The following CAPRIN2 variants were observed in gnomAD, a reference collection of about 807,000 sequenced individuals.
CAPRIN2 encodes the protein caprin family member 2.
Under a neutral mutation model 130.4 loss-of-function variants are expected in CAPRIN2, and 66 were observed. The ratio of observed to expected loss-of-function variants is 0.51; its 90% CI spans 0.42 to 0.62. The LOEUF (loss-of-function observed/expected upper bound fraction) is 0.62. Ranked by LOEUF, CAPRIN2 falls within the 20% of genes least tolerant of loss-of-function variation. The pLI, the probability that CAPRIN2 is intolerant of heterozygous loss-of-function variation, is 0.00. For synonymous variants in CAPRIN2, 471 were observed against 444.1 expected (o/e 1.06, Z -0.76); for missense variants, 1,185 against 1,246.6 (o/e 0.95, Z 0.74).
rs764643989 is a variant in CAPRIN2, at chr12:30,711,713, T to A, written c.2602-84A>T. ...TTACACAGGACTACCGGCTGGCAAATAAGATTAGTCCCCTTAGTTCTTTAC... is the reference window on the plus strand; with the variant it reads ...TTACACAGGACTACCGGCTGGCAAAAAAGATTAGTCCCCTTAGTTCTTTAC... On this transcript the variant is annotated intron_variant, in intron 15 of 16. Transcript: ENST00000298892. 5.5e-6 allele frequency: 6 copies of A among 1,094,560 alleles called. No homozygotes were observed. The African/African-American group carries it at 9.3e-5, about 17-fold the overall frequency. 67.8% of individuals were successfully genotyped at this position (1,094,560 alleles called of 1,614,324 possible).
In CAPRIN2 at chr12:30,713,918, G is replaced by C. The variant is rs111986214; in HGVS notation, c.2501-33C>G. On this transcript the variant is annotated intron_variant, in intron 14 of 16. Transcript: ENST00000298892. ...ATAAACAAACTTACATAAGATTATG[G>C]ACAAAATCATATTAAACTTTTAAAC... is the stretch of plus-strand genomic sequence containing the variant. The C allele has an allele frequency of 2.1e-3, 2,602 of 1,247,680 alleles. 33 individuals carry two copies. In the African/African-American group the frequency reaches 0.033, roughly 16 times the overall value. The allele number at this position is 1,247,680 out of a possible 1,614,324, so 77.3% of individuals were successfully genotyped here. A position where few individuals can be genotyped will look rare whatever the true frequency, so the allele number is the denominator to read the frequency against.
At chr12:30,739,168 G>A (rs757943148) in intron 3 of CAPRIN2, among the ~76,000 whole-genome samples, 3 of 152,156 alleles carry the variant, frequency 2.0e-5, no homozygotes, top group Non-Finnish European at 4.4e-5. Context: ...GCCCATCAAT[G>A]ATAGACCAGA....
At chr12:30,713,848 A>G in exon 15 of CAPRIN2, 1 of 1,610,738 alleles carries the variant, frequency 6.2e-7, no homozygotes, top group Non-Finnish European at 8.5e-7. Context: ...TATAATTTCC[A>G]TTGGAAATTG....
rs200711684 is a variant in CAPRIN2, at chr12:30,710,836, TAGA to T, written c.2666-369_2666-367del. On this transcript the variant is annotated intron_variant, in intron 16 of 16. Coordinates refer to ENST00000298892, the Ensembl canonical transcript of CAPRIN2. The surrounding 1 kb of genome is among the most constrained non-coding windows in gnomAD (Gnocchi z 4.8). Reference sequence around the variant, plus strand: ...AGGTCATTCTACAAAGCACCTAATGTAGAAGGTCTCAAGAAAATGGAGACTACA... The same window carrying T: ...AGGTCATTCTACAAAGCACCTAATGTAGGTCTCAAGAAAATGGAGACTACA... Among the ~76,000 whole-genome samples, 104 of 152,330 alleles carry T rather than the reference TAGA, an allele frequency of 6.8e-4. 1 individual carries two copies. The East Asian group carries it at 0.017, about 25-fold the overall frequency.
At position 30,728,858 on chromosome 12, in the gene CAPRIN2, G is replaced by T. The variant is rs775945745; in HGVS notation, c.1572C>A (p.Asn524Lys). The T allele has an allele frequency of 1.9e-6, 3 of 1,614,102 alleles. 1 individual carries two copies. In the South Asian group the frequency reaches 3.3e-5, roughly 18 times the overall value. Residue 524 changes from asparagine (N) to lysine (K), a missense_variant, in exon 8 of 17, where the codon AAC (asparagine) becomes AAA (lysine). Asn to Lys is a moderately conservative substitution (Grantham distance 94, BLOSUM62 0). Around this residue, in one of 2 missense-constraint regions of CAPRIN2, gnomAD observed 1,104 missense variants for 1,104.3 expected, o/e 1.00. Transcript: ENST00000298892. ...TGGGAGTGGTCCATGACTTGGTGGT[G>T]TTCTGTTCGCTCTGCATGGAAGGTG...
At chr12:30,752,922 G>A (rs1173392496) in intron 1 of CAPRIN2, among the ~76,000 whole-genome samples, 4 of 152,048 alleles carry the variant, frequency 2.6e-5, no homozygotes, top group African/African-American at 7.3e-5. Flanking sequence ...AAAAGTAAGT[G>A]GTAAAACATT....
rs1195236930 is a variant in CAPRIN2, at chr12:30,710,631, G to T, written c.2666-161C>A. The T allele has an allele frequency of 9.8e-6, 11 of 1,127,816 alleles. No homozygotes were observed. Among genetic ancestry groups the T allele is most frequent in the African/African-American group, 9.4e-5 (6 of 63,646 alleles). The allele number at this position is 1,127,816 out of a possible 1,614,324, so 69.9% of individuals were successfully genotyped here. On this transcript the variant is annotated intron_variant, in intron 16 of 16. Coordinates refer to ENST00000298892, the Ensembl canonical transcript of CAPRIN2. This position sits in a 1 kb window ranked among gnomAD's most constrained non-coding sequence, Gnocchi z 4.8. ...GATTATACTTTTCTAGATTTTTCTG[G>T]TAATAGGTTTTTACATACTCTTCTA...
exon 1 of CAPRIN2, chr12:30,754,343 C>T (rs1487819319): frequency 6.5e-6 from 1 of 153,272 alleles, no homozygotes; most frequent in Non-Finnish European, 1.4e-5. Flanking sequence ...ACGTATCCGT[C>T]TCTCGACCTC....
chr12:30,728,540 G>T, intron 8 of CAPRIN2, 108 bp downstream of exon 9: 1 of 854,968 alleles, frequency 1.2e-6, no homozygotes, highest in Non-Finnish European at 1.7e-6. Context: ...GGGTAACAGA[G>T]TGTTTCTCCA....
In CAPRIN2 at chr12:30,753,682, A is replaced by G. The variant is rs781244322; in HGVS notation, c.82T>C (p.Ser28Pro). The G allele has an allele frequency of 8.1e-6, 13 of 1,614,190 alleles. No individual in the cohort carries two copies. In the South Asian group the frequency reaches 8.8e-5, roughly 11 times the overall value. The change falls in exon 1 of 17, where the codon TCC becomes CCC. Residue 28 changes from serine to proline, a missense_variant. Ser to Pro is a moderately conservative substitution (Grantham distance 74). Around this residue, in one of 2 missense-constraint regions of CAPRIN2, gnomAD observed 1,104 missense variants for 1,104.3 expected, o/e 1.00. Coordinates refer to ENST00000298892, the Ensembl canonical transcript of CAPRIN2. ...CACAGCCAGGCAATAACTTCCCTGG[A>G]AAGTCTAGACCACTCCCTTAAACTC...
chr12:30,751,792 ATCAT>A (rs954454025), intron 1 of CAPRIN2: 1 of 21,010 alleles, frequency 4.8e-5, no homozygotes, highest in African/African-American at 7.6e-4. Context: ...TTCTATCATT[ATCAT>A]AGAGTAGGCT....
At chr12:30,723,387 A>G in intron 10 of CAPRIN2, 73 bp from the exon 12 acceptor site, 2 of 1,029,386 alleles carry the variant, frequency 1.9e-6, no homozygotes, top group Non-Finnish European at 3.0e-6. Flanking sequence ...GGAGGAAACT[A>G]AAGTTTACAC....
intron 12 of CAPRIN2, among the ~76,000 whole-genome samples, chr12:30,717,754 A>G (rs2058110058): frequency 6.6e-6 from 1 of 152,126 alleles, no homozygotes; most frequent in Non-Finnish European, 1.5e-5. Context: ...GATGAATGAA[A>G]TATTTTACCA....
chr12:30,739,745 T>A (rs1365419866), intron 3 of CAPRIN2, among the ~76,000 whole-genome samples: 4 of 151,996 alleles, frequency 2.6e-5, no homozygotes, highest in Non-Finnish European at 5.9e-5. Context: ...AAGTTACTTT[T>A]GCTCTGAGTC....
exon 3 of CAPRIN2, chr12:30,741,098 T>C: frequency 6.3e-7 from 1 of 1,593,662 alleles, no homozygotes; most frequent in Non-Finnish European, 8.6e-7. Context: ...CATATTTCTC[T>C]ACAGCTTCCT....
chr12:30,753,748 A>T, exon 1 of CAPRIN2: 5 of 1,608,884 alleles, frequency 3.1e-6, no homozygotes, highest in Non-Finnish European at 4.2e-6. Context: ...GATGCTTGAG[A>T]TACTTGTACT....
At chr12:30,715,363 A>G (rs1197638672) in intron 13 of CAPRIN2, 2 of 616,354 alleles carry the variant, frequency 3.2e-6, no homozygotes, top group African/African-American at 3.7e-5. Context: ...ATTTTGACCC[A>G]TGCTACAACA....
chr12:30,723,254 G>A lies in CAPRIN2; in HGVS notation c.2043+5C>T, dbSNP rs111738878. On this transcript the variant is annotated splice_donor_5th_base_variant and intron_variant, in intron 11 of 16. Coordinates refer to ENST00000298892, the Ensembl canonical transcript of CAPRIN2. ...AAAGAATAAAAGATTAATTTGGAAA[G>A]TTACCTGTAACGGCTCTTGAAGAAA... 3.0e-3 allele frequency: 4,736 copies of A among 1,602,194 alleles called. 137 individuals carry two copies. In the African/African-American group the frequency reaches 0.057, roughly 19 times the overall value.
At chr12:30,740,035 A>G (rs994540085) in intron 3 of CAPRIN2, among the ~76,000 whole-genome samples, 12 of 152,350 alleles carry the variant, frequency 7.9e-5, no homozygotes, top group Admixed American at 1.3e-4. Flanking sequence ...GCCAAGAATT[A>G]GGATGGTAAA....
Sources: gnomAD v4.1 joint callset for allele counts (sites outside exome capture counted in the v4.1 genomes callset) on GRCh38, gnomAD v4.1.1 for gene constraint, gnomAD v4.1.1 regional missense constraint, Gnocchi (gnomAD v3.1) non-coding constraint, MANE v1.5 for transcripts, NCBI Gene and HGNC (gene_info 2026-07-23, HGNC 2026-07-21) for gene names.